The following OPCML variants were observed in gnomAD, a reference collection of about 807,000 sequenced individuals.
OPCML encodes the protein opioid binding protein/cell adhesion molecule like.
In OPCML, 13 loss-of-function variants were observed where a neutral mutation model predicts 37.8. The ratio of observed to expected loss-of-function variants is 0.34; its 90% CI spans 0.22 to 0.55. OPCML has a LOEUF of 0.55. Among genes scored for constraint, OPCML ranks in the 20% least tolerant of loss-of-function variants. The probability of loss-of-function intolerance (pLI) is 0.91; values close to 1 mark genes in which losing one functional copy is unlikely to be tolerated. For synonymous variants in OPCML, 176 were observed against 168.8 expected (o/e 1.04, Z -0.33); for missense variants, 341 against 435.6 (o/e 0.78, Z 1.93).
intron 1 of OPCML, among the ~76,000 whole-genome samples, chr11:133,044,813 G>A (rs1372556065): frequency 1.3e-5 from 2 of 152,038 alleles, no homozygotes; most frequent in East Asian, 3.9e-4. Flanking sequence ...CATACAGAAC[G>A]AGACTCTACA....
intron 1 of OPCML, among the ~76,000 whole-genome samples, chr11:133,336,931 G>T (rs780319111): frequency 2.6e-5 from 4 of 152,190 alleles, no homozygotes; most frequent in Admixed American, 2.0e-4. Context: ...GAGACAAATT[G>T]CTACTTCATT....
chr11:133,131,346 A>G (rs1949601438), intron 1 of OPCML, among the ~76,000 whole-genome samples: 1 of 152,194 alleles, frequency 6.6e-6, no homozygotes, highest in Non-Finnish European at 1.5e-5. Context: ...ATGGACCATA[A>G]ATTTAAATGT....
intron 1 of OPCML, among the ~76,000 whole-genome samples, chr11:133,262,180 A>G (rs1941516183): frequency 6.6e-6 from 1 of 152,194 alleles, no homozygotes; most frequent in African/African-American, 2.4e-5. Context: ...ACCTATATGC[A>G]TTATCTCACA....
rs191254649 is a variant in OPCML, at chr11:132,756,331, C to T, written c.147-99012G>A. Among the ~76,000 whole-genome samples the T allele has an allele frequency of 1.6e-4, 24 of 152,218 alleles. No individual in the cohort carries two copies. The East Asian group carries it at 1.9e-3, about 12-fold the overall frequency. Reference sequence around the variant, plus strand: ...TTAGAAGATGAGAAATAACTGAAGACGTGGAACTAAGAGATGGTATTTCTG... The same window carrying T: ...TTAGAAGATGAGAAATAACTGAAGATGTGGAACTAAGAGATGGTATTTCTG... On this transcript the variant is annotated intron_variant, in intron 2 of 7. Transcript: ENST00000524381.
At chr11:133,075,689 C>A (rs896381857) in intron 1 of OPCML, among the ~76,000 whole-genome samples, 1 of 152,176 alleles carries the variant, frequency 6.6e-6, no homozygotes, top group Non-Finnish European at 1.5e-5. Context: ...GGAAGAAATT[C>A]TTCCGAGCCA....
chr11:133,329,172 G>C (rs1306829987), intron 1 of OPCML, among the ~76,000 whole-genome samples: 2 of 152,062 alleles, frequency 1.3e-5, no homozygotes, highest in African/African-American at 4.8e-5. Context: ...CACTGCTCAA[G>C]GAAATAAAAG....
At chr11:132,656,582 G>A (rs1017475620) in intron 3 of OPCML, among the ~76,000 whole-genome samples, 1 of 152,170 alleles carries the variant, frequency 6.6e-6, no homozygotes, top group Non-Finnish European at 1.5e-5. Context: ...CTATGAGAGA[G>A]TGTTTAAAGA....
At chr11:133,290,392 T>C (rs1334448414) in intron 1 of OPCML, among the ~76,000 whole-genome samples, 2 of 152,186 alleles carry the variant, frequency 1.3e-5, no homozygotes, top group Non-Finnish European at 2.9e-5. Context: ...TGAGGTGACT[T>C]TGAGTGCAAT....
intron 1 of OPCML, among the ~76,000 whole-genome samples, chr11:133,275,850 C>G (rs1301995019): frequency 2.0e-5 from 3 of 152,184 alleles, no homozygotes; most frequent in Non-Finnish European, 4.4e-5. Flanking sequence ...TTGACTCAAA[C>G]CTGTGTCATT....
At chr11:132,609,506 T>C (rs1379839530) in intron 3 of OPCML, among the ~76,000 whole-genome samples, 1 of 152,028 alleles carries the variant, frequency 6.6e-6, no homozygotes, top group African/African-American at 2.4e-5. Context: ...GCAACCCACA[T>C]TTACCCACCA....
chr11:132,691,685 A>G (rs766352744), intron 2 of OPCML, among the ~76,000 whole-genome samples: 1 of 152,192 alleles, frequency 6.6e-6, no homozygotes, highest in Non-Finnish European at 1.5e-5. Flanking sequence ...ATTGGATGCT[A>G]TTAAATGGAG....
intron 2 of OPCML, among the ~76,000 whole-genome samples, chr11:132,781,849 G>T (rs997791661): frequency 6.7e-6 from 1 of 150,302 alleles, no homozygotes; most frequent in East Asian, 1.9e-4. Context: ...CACCCTCAGA[G>T]ACCAGACATA....
chr11:132,858,979 AAGGG>A (rs1475286004), intron 2 of OPCML, among the ~76,000 whole-genome samples: 1 of 152,210 alleles, frequency 6.6e-6, no homozygotes, highest in Admixed American at 6.5e-5. Context: ...TCTTTGAGCC[AAGGG>A]TACTTGATTG....
intron 1 of OPCML, chr11:133,004,878 G>T (rs1049280164): frequency 4.1e-6 from 4 of 985,376 alleles, no homozygotes; most frequent in Non-Finnish European, 4.8e-6. Flanking sequence ...GAGCTGTGGT[G>T]TCTAGGTCCA....
intron 1 of OPCML, among the ~76,000 whole-genome samples, chr11:133,307,440 G>A (rs1426920300): frequency 6.6e-6 from 1 of 152,172 alleles, no homozygotes; most frequent in Non-Finnish European, 1.5e-5. Flanking sequence ...ACATTTTACA[G>A]TGTACATAAT....
rs144476054 is a variant in OPCML at position 133,263,136 on chromosome 11, A to G, written c.61+269128T>C. ...TTATGTGACCCCGCACAAATAACCT[A>G]ATTTCTTTGAACCCTCATTTTTTTC... is the stretch of plus-strand genomic sequence containing the variant. On this transcript the variant is annotated intron_variant, in intron 1 of 7. Transcript: ENST00000524381. 2.3e-3 allele frequency among the ~76,000 whole-genome samples: 350 copies of G among 152,118 alleles called. 1 individual carries two copies. The highest frequency in any genetic ancestry group is 8.1e-3 in the African/African-American group (336 of 41,496).
intron 3 of OPCML, among the ~76,000 whole-genome samples, chr11:132,574,776 A>G (rs992975700): frequency 9.9e-5 from 15 of 152,010 alleles, no homozygotes; most frequent in African/African-American, 3.1e-4. Flanking sequence ...CATTAGACTC[A>G]TTTGGCCTGT....
At position 133,532,455 on chromosome 11, in the gene OPCML, A is replaced by T; in HGVS notation, c.-131T>A. ...TTTGCAAAGGGAGGGAGAGAGCAGA[A>T]GAGAGAGAGAGCGCGCGAGAGATGG... On this transcript the variant is annotated 5_prime_UTR_variant, in exon 1 of 8. Coordinates refer to ENST00000524381, the MANE Select transcript of OPCML (RefSeq NM_001012393.5). 1.9e-6 allele frequency: 2 copies of T among 1,050,732 alleles called. No homozygotes were observed. Among genetic ancestry groups the T allele is most frequent in the Non-Finnish European group, 2.8e-6 (2 of 708,764 alleles). 65.1% of individuals were successfully genotyped at this position (1,050,732 alleles called of 1,614,324 possible).
intron 1 of OPCML, among the ~76,000 whole-genome samples, chr11:133,266,972 T>A (rs924811750): frequency 3.9e-5 from 6 of 152,302 alleles, no homozygotes; most frequent in Admixed American, 2.6e-4. Context: ...TGCCTGTCAA[T>A]CTTTGGACAG....
Sources: gnomAD v4.1 joint callset for allele counts (sites outside exome capture counted in the v4.1 genomes callset) on GRCh38, gnomAD v4.1.1 for gene constraint, MANE v1.5 for transcripts, NCBI Gene and HGNC (gene_info 2026-07-23, HGNC 2026-07-21) for gene names.